SMOC2: variants seen among roughly 807,000 people sequenced by gnomAD.
SMOC2 encodes SPARC related modular calcium binding 2, also known as SPARC-related modular calcium-binding protein 2.
In SMOC2, 39 loss-of-function variants were observed where a neutral mutation model predicts 61.4. The observed-to-expected ratio is 0.64, with a 90% CI of 0.49 to 0.83. The LOEUF (loss-of-function observed/expected upper bound fraction) is 0.83, where lower values mean the gene tolerates loss of function less well. Among genes scored for constraint, SMOC2 ranks in the 40% least tolerant of loss-of-function variants. The pLI, the probability that SMOC2 is intolerant of heterozygous loss-of-function variation, is 0.00. For synonymous variants in SMOC2, 247 were observed against 239.9 expected (o/e 1.03, Z -0.27); for missense variants, 556 against 592.9 (o/e 0.94, Z 0.65).
chr6:168,489,319 G>T (rs1782414864), intron 1 of SMOC2, among the ~76,000 whole-genome samples: 2 of 148,910 alleles, frequency 1.3e-5, no homozygotes, highest in African/African-American at 2.5e-5. Flanking sequence ...GAATCATCTG[G>T]GTCCCCTTGG....
intron 1 of SMOC2, among the ~76,000 whole-genome samples, chr6:168,447,163 C>G (rs1046925395): frequency 6.6e-6 from 1 of 152,092 alleles, no homozygotes; most frequent in African/African-American, 2.4e-5. Context: ...GCCTCCTGGG[C>G]TCAAGCGATT....
intron 2 of SMOC2, among the ~76,000 whole-genome samples, chr6:168,517,252 T>A (rs1490097007): frequency 6.6e-6 from 1 of 152,168 alleles, no homozygotes; most frequent in African/African-American, 2.4e-5. Context: ...TCTGCAGAGC[T>A]GGGGTGGGGT....
intron 7 of SMOC2, among the ~76,000 whole-genome samples, chr6:168,583,568 A>G (rs1302818500): frequency 1.3e-5 from 2 of 152,094 alleles, no homozygotes; most frequent in Non-Finnish European, 2.9e-5. Context: ...CCTGTCTCTC[A>G]TCTTCCTTGC....
chr6:168,459,970 T>G (rs1290649506), intron 1 of SMOC2, among the ~76,000 whole-genome samples: 1 of 152,162 alleles, frequency 6.6e-6, no homozygotes, highest in Admixed American at 6.5e-5. Flanking sequence ...TCAATCATGT[T>G]TCCTTCAAGT....
At chr6:168,545,047 G>A (rs772913032) in intron 5 of SMOC2, among the ~76,000 whole-genome samples, 121 of 152,254 alleles carry the variant, frequency 7.9e-4, no homozygotes, top group Non-Finnish European at 1.3e-3. Context: ...AAAGGAAGGG[G>A]TAAAGTTGCA....
chr6:168,636,892 A>T (rs182285651), intron 9 of SMOC2, among the ~76,000 whole-genome samples: 8 of 23,644 alleles, frequency 3.4e-4, no homozygotes, highest in East Asian at 1.1e-3. Flanking sequence ...CCCTCCTCCC[A>T]CCTCCCTCCT....
At chr6:168,583,094 C>T (rs1330870932) in intron 7 of SMOC2, among the ~76,000 whole-genome samples, 2 of 152,232 alleles carry the variant, frequency 1.3e-5, no homozygotes, top group Non-Finnish European at 2.9e-5. Context: ...AGAAAAGTTA[C>T]CATTGCTTGC....
At chr6:168,603,711 G>GAA (rs200485227) in intron 8 of SMOC2, among the ~76,000 whole-genome samples, 30 of 118,964 alleles carry the variant, frequency 2.5e-4, no homozygotes, top group Admixed American at 8.4e-5. Flanking sequence ...TGCTCTGGAG[G>GAA]AAAAAAAAAA....
chr6:168,458,088 G>A (rs1781629650), intron 1 of SMOC2, among the ~76,000 whole-genome samples: 1 of 152,186 alleles, frequency 6.6e-6, no homozygotes, highest in Non-Finnish European at 1.5e-5. Context: ...AGGCTGGGGG[G>A]ATGTCATGAT....
At chr6:168,551,369 C>T (rs1784124178) in intron 7 of SMOC2, among the ~76,000 whole-genome samples, 1 of 152,080 alleles carries the variant, frequency 6.6e-6, no homozygotes, top group African/African-American at 2.4e-5. Flanking sequence ...AATATGTTAG[C>T]ACCTAAACTT....
chr6:168,587,263 C>T (rs956512057), intron 7 of SMOC2, among the ~76,000 whole-genome samples: 3 of 152,182 alleles, frequency 2.0e-5, no homozygotes, highest in South Asian at 4.1e-4. Context: ...TCCCGCCCAC[C>T]TTGTGAGACA....
chr6:168,548,870 A>G (rs1784067457), intron 6 of SMOC2, among the ~76,000 whole-genome samples: 1 of 152,212 alleles, frequency 6.6e-6, no homozygotes, highest in African/African-American at 2.4e-5. Flanking sequence ...GATTCTTTCA[A>G]AGTGAATTCT....
intron 7 of SMOC2, among the ~76,000 whole-genome samples, chr6:168,580,759 T>C (rs1421182788): frequency 3.3e-5 from 5 of 152,064 alleles, no homozygotes; most frequent in Admixed American, 3.3e-4. Flanking sequence ...CCCAGGCTGG[T>C]CTCAAATTCC....
chr6:168,517,248 G>A (rs995705842), intron 2 of SMOC2, among the ~76,000 whole-genome samples: 4 of 152,250 alleles, frequency 2.6e-5, no homozygotes, highest in Non-Finnish European at 4.4e-5. Flanking sequence ...AGCTTCTGCA[G>A]AGCTGGGGTG....
At chr6:168,635,796 G>A (rs1235794805) in intron 9 of SMOC2, among the ~76,000 whole-genome samples, 40 of 151,248 alleles carry the variant, frequency 2.6e-4, no homozygotes, top group African/African-American at 9.0e-4. Flanking sequence ...GCTTGAACCC[G>A]GGAGGCAGAG....
chr6:168,474,590 C>A (rs548145895), intron 1 of SMOC2, among the ~76,000 whole-genome samples: 10 of 152,268 alleles, frequency 6.6e-5, no homozygotes, highest in African/African-American at 2.2e-4. Flanking sequence ...TGATAATTTA[C>A]AAACGTGTCT....
At chr6:168,537,630 G>A (rs1783763526) in intron 4 of SMOC2, among the ~76,000 whole-genome samples, 4 of 152,230 alleles carry the variant, frequency 2.6e-5, no homozygotes, top group Non-Finnish European at 1.5e-5. Context: ...GAGGCCGAGT[G>A]GCTGGTTGGC....
rs1786885628 is a variant in SMOC2 at position 168,641,311 on chromosome 6, G to A, written c.908-9370G>A. ...ATCCCTCCTCAAGCCTGCGAAACCTGAAGAAATCCCACACACTCTACAGCA... is the reference window on the plus strand; with the variant it reads ...ATCCCTCCTCAAGCCTGCGAAACCTAAAGAAATCCCACACACTCTACAGCA... On this transcript the variant is annotated intron_variant, in intron 9 of 12. Transcript: ENST00000356284. 2.0e-5 allele frequency among the ~76,000 whole-genome samples: 3 copies of A among 152,038 alleles called. No homozygotes were observed. In the South Asian group the frequency reaches 6.2e-4, roughly 32 times the overall value.
At chr6:168,484,487 TTGG>T (rs1450645141) in intron 1 of SMOC2, among the ~76,000 whole-genome samples, 1 of 152,164 alleles carries the variant, frequency 6.6e-6, no homozygotes, top group Non-Finnish European at 1.5e-5. Flanking sequence ...TTGTGCACTG[TTGG>T]TGGTAATATA....
Sources: allele counts gnomAD v4.1 joint callset (sites outside exome capture counted in the v4.1 genomes callset), GRCh38; gene constraint gnomAD v4.1.1; transcripts MANE v1.5; gene names NCBI Gene and HGNC (gene_info 2026-07-23, HGNC 2026-07-21).